Variants in FARP1 observed in about 807,000 individuals in gnomAD.
The protein encoded by FARP1 is FERM, ARH/RhoGEF and pleckstrin domain protein 1, also known as FERM, ARHGEF and pleckstrin domain-containing protein 1.
In FARP1, 52 loss-of-function variants were observed where a neutral mutation model predicts 128.8. The observed-to-expected ratio is 0.40, with a 90% CI of 0.32 to 0.51. The LOEUF is 0.51. Ranked by LOEUF, FARP1 falls within the 20% of genes least tolerant of loss-of-function variation. FARP1 has a pLI of 0.45. For missense variants in FARP1, 1,333 were observed against 1,367.9 expected, an observed-to-expected ratio of 0.97 and a Z score of 0.40; for synonymous variants, 580 against 551.8, an observed-to-expected ratio of 1.05 and a Z score of -0.72.
chr13:98,403,707 A>G (rs911499603), intron 13 of FARP1: 10 of 152,204 alleles, frequency 6.6e-5, no homozygotes, highest in Non-Finnish European at 1.3e-4. Context: ...AAGTACGTCA[A>G]TAAAGCATGG....
intron 2 of FARP1, among the ~76,000 whole-genome samples, chr13:98,295,690 C>T (rs1885655419): frequency 6.6e-6 from 1 of 152,100 alleles, no homozygotes; most frequent in Non-Finnish European, 1.5e-5. Flanking sequence ...ATTTTCTTCC[C>T]AGCCTAAAGA....
At chr13:98,267,670 A>T (rs1251506512) in intron 2 of FARP1, among the ~76,000 whole-genome samples, 5 of 152,234 alleles carry the variant, frequency 3.3e-5, no homozygotes, top group South Asian at 2.1e-4. Context: ...CAACAGAAAC[A>T]CGACGGGAAT....
intron 1 of FARP1, among the ~76,000 whole-genome samples, chr13:98,153,413 TATA>T (rs200336825): frequency 0.52 from 66,377 of 128,772 alleles, 20,245 homozygotes; most frequent in East Asian, 0.71. Flanking sequence ...TATAAATATG[TATA>T]ATATGTAACA....
intron 2 of FARP1, among the ~76,000 whole-genome samples, chr13:98,222,259 G>A (rs1315540438): frequency 6.6e-6 from 1 of 152,190 alleles, no homozygotes; most frequent in Non-Finnish European, 1.5e-5. Flanking sequence ...TCACAAATGT[G>A]TATCAACATG....
chr13:98,233,391 A>G (rs1214817703), intron 2 of FARP1, among the ~76,000 whole-genome samples: 1 of 151,704 alleles, frequency 6.6e-6, no homozygotes, highest in Admixed American at 6.6e-5. Context: ...AGGCTCCCCC[A>G]CGTGAGAACT....
chr13:98,374,738 G>C (rs1473688396), intron 5 of FARP1, among the ~76,000 whole-genome samples: 1 of 152,208 alleles, frequency 6.6e-6, no homozygotes. Context: ...AAGAAAAAAG[G>C]TTTATTTTGC....
At chr13:98,309,152 CCTTTTTTTTT>C (rs1886327100) in intron 2 of FARP1, among the ~76,000 whole-genome samples, 3 of 106,200 alleles carry the variant, frequency 2.8e-5, no homozygotes, top group East Asian at 2.9e-4. Context: ...TTTTAAGAGG[CCTTTTTTTTT>C]TTTTTTTTTT....
intron 3 of FARP1, 56 bp downstream of exon 3, chr13:98,343,922 G>C (rs1181079898): frequency 8.9e-7 from 1 of 1,129,834 alleles, no homozygotes; most frequent in Admixed American, 1.7e-5. Context: ...TTGGTGGGGG[G>C]CTGGGCAGGG....
At position 98,450,029 on chromosome 13, in the gene FARP1, TTATTTC is replaced by T. The variant is rs1239640751; in HGVS notation, c.*1714_*1719del. 21 of 83,626 alleles carry T rather than the reference TTATTTC, an allele frequency of 2.5e-4. No individual in the cohort carries two copies. Among genetic ancestry groups the T allele is most frequent in the African/African-American group, 7.3e-4 (18 of 24,784 alleles). The allele number at this position is 83,626 out of a possible 1,614,324, so 5.2% of individuals were successfully genotyped here. ...GGGACAAGGCAGTCTCCTCAGCTAT[TTATTTC>T]TGAATGATTGATTGATTCCAAACTA... On this transcript the variant is annotated 3_prime_UTR_variant, in exon 27 of 27. Coordinates refer to ENST00000319562, the MANE Select transcript of FARP1 (RefSeq NM_005766.4).
intron 12 of FARP1, among the ~76,000 whole-genome samples, chr13:98,394,906 CAG>C (rs1210256008): frequency 5.3e-5 from 8 of 152,168 alleles, no homozygotes; most frequent in Non-Finnish European, 2.9e-5. Flanking sequence ...GCCTAGGTGA[CAG>C]AGTAAGATCC....
intron 2 of FARP1, among the ~76,000 whole-genome samples, chr13:98,305,675 C>T (rs557775028): frequency 6.6e-5 from 10 of 152,222 alleles, no homozygotes; most frequent in South Asian, 2.1e-4. Context: ...TCTTTAAGGA[C>T]GCCTTCATCA....
At chr13:98,309,152 CCTTTTTTTT>C (rs1219850031) in intron 2 of FARP1, among the ~76,000 whole-genome samples, 95 of 106,184 alleles carry the variant, frequency 8.9e-4, no homozygotes, top group African/African-American at 3.5e-3. Context: ...TTTTAAGAGG[CCTTTTTTTT>C]TTTTTTTTTT....
intron 1 of FARP1, among the ~76,000 whole-genome samples, chr13:98,205,053 A>G (rs1032073828): frequency 2.0e-5 from 3 of 152,188 alleles, no homozygotes; most frequent in Non-Finnish European, 4.4e-5. Flanking sequence ...TTGGCATTTA[A>G]GCCTTGGATG....
chr13:98,293,382 C>T (rs1262737765), intron 2 of FARP1, among the ~76,000 whole-genome samples: 1 of 152,086 alleles, frequency 6.6e-6, no homozygotes, highest in Non-Finnish European at 1.5e-5. Context: ...ACCCAGCAGG[C>T]TCAGAGTCAT....
chr13:98,217,199 G>A (rs888308610), intron 2 of FARP1, among the ~76,000 whole-genome samples: 1 of 152,224 alleles, frequency 6.6e-6, no homozygotes, highest in African/African-American at 2.4e-5. Flanking sequence ...TCTATAGGAA[G>A]AGCAGAGGAA....
intron 2 of FARP1, among the ~76,000 whole-genome samples, chr13:98,314,740 T>C (rs1273403020): frequency 6.6e-6 from 1 of 152,228 alleles, no homozygotes; most frequent in Non-Finnish European, 1.5e-5. Flanking sequence ...TGTCTCCTTT[T>C]TGAGGCAATT....
At chr13:98,192,197 C>G (rs1879279780) in intron 1 of FARP1, among the ~76,000 whole-genome samples, 1 of 152,086 alleles carries the variant, frequency 6.6e-6, no homozygotes, top group South Asian at 2.1e-4. Context: ...AGATATGCTA[C>G]AGTTTGGTTA....
intron 2 of FARP1, among the ~76,000 whole-genome samples, chr13:98,317,888 C>T (rs1225144885): frequency 6.6e-6 from 1 of 151,568 alleles, no homozygotes; most frequent in Non-Finnish European, 1.5e-5. Context: ...CTTTCTTTCT[C>T]TCTCTCTCTC....
intron 12 of FARP1, among the ~76,000 whole-genome samples, chr13:98,394,788 A>G (rs1400107587): frequency 6.6e-6 from 1 of 152,172 alleles, no homozygotes; most frequent in African/African-American, 2.4e-5. Flanking sequence ...AATTTTTTTA[A>G]TTAGCCGGAC....
Sources: gnomAD v4.1 joint callset for allele counts (sites outside exome capture counted in the v4.1 genomes callset) on GRCh38, gnomAD v4.1.1 for gene constraint, MANE v1.5 for transcripts, NCBI Gene and HGNC (gene_info 2026-07-23, HGNC 2026-07-21) for gene names.